Variants in FRMD4A observed in about 807,000 individuals in gnomAD.
The protein encoded by FRMD4A is FERM domain containing 4A.
Under a neutral mutation model 129.1 loss-of-function variants are expected in FRMD4A, and 29 were observed. The ratio of observed to expected loss-of-function variants is 0.22; its 90% confidence interval spans 0.17 to 0.31. The LOEUF (loss-of-function observed/expected upper bound fraction) is 0.31, where lower values mean the gene tolerates loss of function less well. Ranked by LOEUF, FRMD4A falls within the 10% of genes least tolerant of loss-of-function variation. The pLI is 1.00. For synonymous variants in FRMD4A, 634 were observed against 571.6 expected (o/e 1.11, Z -1.56); for missense variants, 1,272 against 1,375.8 (o/e 0.92, Z 1.19).
chr10:13,654,178 C>T (rs1233511195), intron 23 of FRMD4A: 1 of 577,138 alleles, frequency 1.7e-6, no homozygotes, highest in Non-Finnish European at 3.1e-6. Context: ...CTCCCCACAT[C>T]CCAAGGACCA....
chr10:13,700,728 G>A (rs2086732653), intron 14 of FRMD4A, among the ~76,000 whole-genome samples: 1 of 150,776 alleles, frequency 6.6e-6, no homozygotes, highest in Admixed American at 6.6e-5. Flanking sequence ...GCAGCTGCGT[G>A]CCCAGAGTCA....
intron 2 of FRMD4A, among the ~76,000 whole-genome samples, chr10:14,215,924 C>G (rs1450652677): frequency 6.6e-6 from 1 of 152,100 alleles, no homozygotes; most frequent in African/African-American, 2.4e-5. Context: ...TCTTTACTCT[C>G]CTGCTCAGGT....
intron 3 of FRMD4A, among the ~76,000 whole-genome samples, chr10:13,824,269 A>T (rs900867871): frequency 4.2e-5 from 6 of 144,470 alleles, no homozygotes; most frequent in African/African-American, 1.0e-4. Context: ...TGAGGTCAGG[A>T]GTTCAAGACC....
intron 2 of FRMD4A, among the ~76,000 whole-genome samples, chr10:14,299,299 A>G (rs1046365657): frequency 3.3e-5 from 5 of 152,150 alleles, no homozygotes; most frequent in Non-Finnish European, 5.9e-5. Context: ...CCTTACCCCA[A>G]TGGACTGGTT....
At chr10:13,712,639 C>T (rs1258257844) in intron 12 of FRMD4A, among the ~76,000 whole-genome samples, 1 of 152,172 alleles carries the variant, frequency 6.6e-6, no homozygotes, top group Non-Finnish European at 1.5e-5. Context: ...GTTGTTGGGA[C>T]TGGCTGATAC....
chr10:14,213,296 T>A (rs1489558990), intron 2 of FRMD4A, among the ~76,000 whole-genome samples: 1 of 152,168 alleles, frequency 6.6e-6, no homozygotes, highest in Non-Finnish European at 1.5e-5. Flanking sequence ...ATCAGAACCT[T>A]CATGGTTGAA....
chr10:14,276,041 A>G (rs920887362), intron 2 of FRMD4A, among the ~76,000 whole-genome samples: 6 of 152,148 alleles, frequency 3.9e-5, no homozygotes, highest in Admixed American at 3.9e-4. Context: ...TTGTCTCAAA[A>G]AACAAAAACA....
At chr10:14,106,860 A>G (rs1282077591) in intron 2 of FRMD4A, among the ~76,000 whole-genome samples, 2 of 103,114 alleles carry the variant, frequency 1.9e-5, no homozygotes, top group Admixed American at 1.8e-4. Context: ...ATTAGTGGAT[A>G]TATACCCAAA....
intron 2 of FRMD4A, among the ~76,000 whole-genome samples, chr10:14,140,879 A>G (rs961745070): frequency 3.0e-4 from 46 of 152,184 alleles, no homozygotes; most frequent in African/African-American, 1.1e-3. Context: ...ACCTCTCCCA[A>G]ATAAAGCAGG....
intron 2 of FRMD4A, among the ~76,000 whole-genome samples, chr10:13,957,204 C>T (rs2095414606): frequency 1.3e-5 from 2 of 152,196 alleles, no homozygotes. Context: ...CAGGCAGAGA[C>T]CTTAGGGAGG....
chr10:13,694,626 C>T (rs372304469), intron 14 of FRMD4A, among the ~76,000 whole-genome samples: 69 of 152,294 alleles, frequency 4.5e-4, no homozygotes, highest in African/African-American at 1.4e-3. Flanking sequence ...GAAAGTTTAG[C>T]TGATGGAGAA....
intron 9 of FRMD4A, among the ~76,000 whole-genome samples, chr10:13,741,002 T>G (rs912779283): frequency 7.2e-5 from 11 of 152,068 alleles, no homozygotes; most frequent in Non-Finnish European, 1.3e-4. Flanking sequence ...GATTTTTGTA[T>G]TTTTAGTAGA....
intron 2 of FRMD4A, among the ~76,000 whole-genome samples, chr10:14,276,448 T>C (rs1337763522): frequency 6.6e-6 from 1 of 152,230 alleles, no homozygotes; most frequent in Non-Finnish European, 1.5e-5. Context: ...CTCCTGCCTC[T>C]CAGGGAACCT....
chr10:14,232,234 G>A (rs1843661821), intron 2 of FRMD4A, among the ~76,000 whole-genome samples: 1 of 152,116 alleles, frequency 6.6e-6, no homozygotes. Flanking sequence ...AAGATTGGAT[G>A]GTTGTACATT....
At chr10:14,293,737 A>G (rs1254113929) in intron 2 of FRMD4A, among the ~76,000 whole-genome samples, 1 of 152,158 alleles carries the variant, frequency 6.6e-6, no homozygotes, top group African/African-American at 2.4e-5. Context: ...CAACAATTCC[A>G]CTTCTTGGCA....
In FRMD4A at chr10:13,847,845, G is replaced by T. The variant is rs532353626; in HGVS notation, c.111+11002C>A. On this transcript the variant is annotated intron_variant, in intron 3 of 24. Coordinates refer to ENST00000357447, the MANE Select transcript of FRMD4A (RefSeq NM_018027.5). ...GATGCTTAGATCTGCATAGCACAGC[G>T]GTAGACAAATAATAAATATTTACCA... is the stretch of plus-strand genomic sequence containing the variant. Among the ~76,000 whole-genome samples the T allele has an allele frequency of 3.9e-5, 6 of 152,168 alleles. 1 individual carries two copies. The highest frequency in any genetic ancestry group is 1.4e-4 in the African/African-American group (6 of 41,436).
At chr10:13,919,160 G>A (rs546167142) in intron 2 of FRMD4A, among the ~76,000 whole-genome samples, 5 of 152,160 alleles carry the variant, frequency 3.3e-5, no homozygotes, top group Non-Finnish European at 5.9e-5. Context: ...TACAGTTGAT[G>A]TGTAGGAAAA....
chr10:14,183,025 AG>A, intron 2 of FRMD4A, among the ~76,000 whole-genome samples: 1 of 152,278 alleles, frequency 6.6e-6, no homozygotes, highest in East Asian at 1.9e-4. Context: ...GGAGATGTGT[AG>A]GAGGTGAGGG....
chr10:13,984,504 G>A (rs1334284589), intron 2 of FRMD4A, among the ~76,000 whole-genome samples: 2 of 152,148 alleles, frequency 1.3e-5, no homozygotes, highest in African/African-American at 4.8e-5. Flanking sequence ...TTGCAAAACC[G>A]ACCTCTGTAC....
Sources: allele counts gnomAD v4.1 joint callset (sites outside exome capture counted in the v4.1 genomes callset), GRCh38; gene constraint gnomAD v4.1.1; transcripts MANE v1.5; gene names NCBI Gene and HGNC (gene_info 2026-07-23, HGNC 2026-07-21).